The following TRPC4 variants were observed in gnomAD, a reference collection of about 807,000 sequenced individuals.
TRPC4 encodes the protein transient receptor potential cation channel subfamily C member 4.
A neutral mutation model predicts 99.4 loss-of-function variants in TRPC4; 49 were observed. The ratio of observed to expected loss-of-function variants is 0.49; its 90% CI spans 0.39 to 0.63. The LOEUF (loss-of-function observed/expected upper bound fraction) is 0.63. Among genes scored for constraint, TRPC4 ranks in the 20% least tolerant of loss-of-function variants. TRPC4 has a pLI of 0.00. For missense variants in TRPC4, 898 were observed against 1,152.9 expected (o/e 0.78, Z 3.20); for synonymous variants, 454 against 425.9 (o/e 1.07, Z -0.81).
chr13:37,716,344 A>C (rs1465075485), intron 3 of TRPC4, among the ~76,000 whole-genome samples: 21 of 152,196 alleles, frequency 1.4e-4, no homozygotes. Flanking sequence ...TTAGAGGAGA[A>C]TTTTGAATCC....
intron 3 of TRPC4, among the ~76,000 whole-genome samples, chr13:37,709,660 C>G (rs1954408771): frequency 1.3e-5 from 2 of 151,916 alleles, no homozygotes; most frequent in Admixed American, 1.3e-4. Context: ...TCTGAAAAAG[C>G]CTTCCTGAAA....
At chr13:37,662,450 T>A (rs867873981) in intron 6 of TRPC4, among the ~76,000 whole-genome samples, 4 of 152,310 alleles carry the variant, frequency 2.6e-5, no homozygotes, top group South Asian at 2.1e-4. Flanking sequence ...GTTTTAAATA[T>A]TGGAGCTAAG....
At chr13:37,669,331 A>G (rs142625988) in intron 5 of TRPC4, among the ~76,000 whole-genome samples, 11 of 152,322 alleles carry the variant, frequency 7.2e-5, no homozygotes, top group African/African-American at 2.4e-4. Flanking sequence ...AAACTGAAGT[A>G]ACGTTTTATA....
chr13:37,657,118 G>A (rs1185705374), intron 6 of TRPC4, among the ~76,000 whole-genome samples: 3 of 152,114 alleles, frequency 2.0e-5, no homozygotes, highest in East Asian at 3.9e-4. Flanking sequence ...ATTTTTAATT[G>A]AGCAACTAAT....
chr13:37,746,908 A>C (rs1194501251), intron 2 of TRPC4, among the ~76,000 whole-genome samples: 1 of 152,028 alleles, frequency 6.6e-6, no homozygotes, highest in Admixed American at 6.6e-5. Context: ...TTCCTCAATT[A>C]GGTTTTGTCT....
Position 37,636,859 on chromosome 13 carries a change from C to T in TRPC4, c.*44G>A, listed in dbSNP as rs762437352. 14 of 1,561,168 alleles carry T rather than the reference C, an allele frequency of 9.0e-6. No homozygotes were observed. Among genetic ancestry groups the T allele is most frequent in the African/African-American group, 1.4e-5 (1 of 73,182 alleles). On this transcript the variant is annotated 3_prime_UTR_variant, in exon 11 of 11. Coordinates refer to ENST00000379705, the MANE Select transcript of TRPC4 (RefSeq NM_016179.4). ...ACATTTTCCCCCACCCAGAGCACTA[C>T]GGAAAATACGTATGTGTATGGTAAA...
intron 1 of TRPC4, among the ~76,000 whole-genome samples, chr13:37,851,071 C>T (rs1227583599): frequency 5.3e-5 from 8 of 152,192 alleles, no homozygotes; most frequent in South Asian, 2.1e-4. Context: ...ATTTATTATT[C>T]TGGACTCTGC....
At position 37,815,276 on chromosome 13, in the gene TRPC4, C is replaced by T. The variant is rs540839552; in HGVS notation, c.-27-31916G>A. On this transcript the variant is annotated intron_variant, in intron 1 of 10. Transcript: ENST00000379705. ...TCAAACCTGCACATATCAATATTAA[C>T]CTTGAAACTAAATAGGCTAAATGTC... 1.2e-4 allele frequency among the ~76,000 whole-genome samples: 18 copies of T among 151,756 alleles called. No homozygotes were observed. The East Asian group carries it at 3.5e-3, about 29-fold the overall frequency.
chr13:37,856,153 C>T (rs1244426481), intron 1 of TRPC4, among the ~76,000 whole-genome samples: 1 of 151,250 alleles, frequency 6.6e-6, no homozygotes, highest in East Asian at 1.9e-4. Context: ...GAGAGAAGAT[C>T]CAAATAAATG....
chr13:37,816,620 T>C (rs958006209), intron 1 of TRPC4, among the ~76,000 whole-genome samples: 1 of 151,400 alleles, frequency 6.6e-6, no homozygotes, highest in African/African-American at 2.4e-5. Flanking sequence ...GATGCAAAAA[T>C]CCTCAAGAAA....
intron 1 of TRPC4, among the ~76,000 whole-genome samples, chr13:37,868,955 C>A (rs1409058829): frequency 3.3e-5 from 5 of 152,040 alleles, no homozygotes; most frequent in African/African-American, 1.2e-4. Context: ...GTGATTTAAC[C>A]AAGTAGCAAA....
At chr13:37,807,252 C>T (rs1345326948) in intron 1 of TRPC4, among the ~76,000 whole-genome samples, 1 of 151,894 alleles carries the variant, frequency 6.6e-6, no homozygotes, top group Non-Finnish European at 1.5e-5. Context: ...GCAATCAATG[C>T]TCATAACTAG....
At chr13:37,654,422 T>C (rs982864047) in intron 7 of TRPC4, among the ~76,000 whole-genome samples, 1 of 152,130 alleles carries the variant, frequency 6.6e-6, no homozygotes, top group African/African-American at 2.4e-5. Flanking sequence ...AGCAGATAAG[T>C]TCAACTTTGT....
At chr13:37,838,069 G>A (rs1958616504) in intron 1 of TRPC4, among the ~76,000 whole-genome samples, 1 of 152,084 alleles carries the variant, frequency 6.6e-6, no homozygotes, top group Admixed American at 6.5e-5. Flanking sequence ...TGATTTTGAG[G>A]CTTCCCCAGC....
intron 1 of TRPC4, among the ~76,000 whole-genome samples, chr13:37,867,632 A>G (rs573262365): frequency 2.0e-5 from 3 of 152,144 alleles, no homozygotes; most frequent in East Asian, 1.9e-4. Flanking sequence ...CATTGTTTCT[A>G]TCTTTCATCT....
intron 1 of TRPC4, among the ~76,000 whole-genome samples, chr13:37,842,856 A>T (rs150887740): frequency 1.3e-5 from 2 of 152,354 alleles, no homozygotes; most frequent in African/African-American, 4.8e-5. Context: ...TGAGAAATGG[A>T]ACGAAAAGAG....
intron 1 of TRPC4, among the ~76,000 whole-genome samples, chr13:37,810,674 AT>A (rs1208710647): frequency 2.0e-5 from 3 of 152,116 alleles, no homozygotes; most frequent in African/African-American, 7.2e-5. Flanking sequence ...GAAAATTAAA[AT>A]CCTCATACAA....
At chr13:37,688,005 T>A (rs528706353) in intron 4 of TRPC4, among the ~76,000 whole-genome samples, 12 of 152,322 alleles carry the variant, frequency 7.9e-5, no homozygotes. Flanking sequence ...TAGAACTGTA[T>A]CACAATGACA....
At chr13:37,852,315 G>A (rs1290913821) in intron 1 of TRPC4, among the ~76,000 whole-genome samples, 1 of 152,110 alleles carries the variant, frequency 6.6e-6, no homozygotes, top group Non-Finnish European at 1.5e-5. Flanking sequence ...GAGGGTACTG[G>A]GCAGAGGCAT....
Sources: allele counts gnomAD v4.1 joint callset (sites outside exome capture counted in the v4.1 genomes callset), GRCh38; gene constraint gnomAD v4.1.1; transcripts MANE v1.5; gene names NCBI Gene and HGNC (gene_info 2026-07-23, HGNC 2026-07-21).